NDST3: variants seen among roughly 807,000 people sequenced by gnomAD.
The protein encoded by NDST3 is bifunctional heparan sulfate N-deacetylase/N-sulfotransferase 3.
A neutral mutation model predicts 96.1 loss-of-function variants in NDST3; 58 were observed. That is an observed-to-expected ratio of 0.60 (90% CI 0.49 to 0.75). The LOEUF is 0.75. Among genes scored for constraint, NDST3 ranks in the 30% least tolerant of loss-of-function variants. The probability of loss-of-function intolerance (pLI) is 0.00; values close to 1 mark genes in which losing one functional copy is unlikely to be tolerated. For missense variants in NDST3, 788 were observed against 1,034.2 expected, an observed-to-expected ratio of 0.76 and a Z score of 3.27; for synonymous variants, 333 against 359.7, an observed-to-expected ratio of 0.93 and a Z score of 0.84.
intron 12 of NDST3, among the ~76,000 whole-genome samples, chr4:118,245,718 A>C (rs1449143083): frequency 6.6e-6 from 1 of 152,180 alleles, no homozygotes; most frequent in Non-Finnish European, 1.5e-5. Flanking sequence ...AGTCTATTCT[A>C]ATTTCTTATT....
At chr4:118,250,003 C>T (rs593966) in intron 12 of NDST3, among the ~76,000 whole-genome samples, 126,522 of 152,180 alleles carry the variant, frequency 0.83, 54,306 homozygotes, top group South Asian at 0.95. Flanking sequence ...CATAATGATT[C>T]TGAGTTTCCT....
chr4:118,089,857 C>T (rs1391766059), intron 2 of NDST3, among the ~76,000 whole-genome samples: 1 of 151,862 alleles, frequency 6.6e-6, no homozygotes, highest in African/African-American at 2.4e-5. Context: ...ACTTTGAGAA[C>T]AAGGTGAAAG....
At chr4:118,115,955 T>C (rs902433684) in intron 4 of NDST3, among the ~76,000 whole-genome samples, 1 of 152,202 alleles carries the variant, frequency 6.6e-6, no homozygotes, top group Non-Finnish European at 1.5e-5. Flanking sequence ...TTGCCACATA[T>C]TGATATTTTG....
At chr4:118,048,460 C>T (rs951993336) in intron 1 of NDST3, among the ~76,000 whole-genome samples, 1 of 152,074 alleles carries the variant, frequency 6.6e-6, no homozygotes, top group African/African-American at 2.4e-5. Context: ...AAGACCCAAC[C>T]ATTTGCTGTC....
intron 1 of NDST3, among the ~76,000 whole-genome samples, chr4:118,052,938 C>A (rs1456112655): frequency 6.6e-6 from 1 of 151,972 alleles, no homozygotes; most frequent in Non-Finnish European, 1.5e-5. Flanking sequence ...GTTTTCATTA[C>A]ATTTTTAAAA....
intron 6 of NDST3, chr4:118,194,653 G>C: frequency 1.5e-6 from 1 of 671,700 alleles, no homozygotes; most frequent in South Asian, 1.6e-5. Context: ...ATGACCTTCA[G>C]CATGCCTTCC....
chr4:118,241,223 C>T (rs1407604992), intron 11 of NDST3, among the ~76,000 whole-genome samples: 1 of 152,092 alleles, frequency 6.6e-6, no homozygotes, highest in African/African-American at 2.4e-5. Flanking sequence ...AGTATGACAG[C>T]CACTACCACA....
In NDST3 at chr4:118,255,715, C is replaced by G; in HGVS notation, c.*3C>G. The G allele has an allele frequency of 1.2e-6, 2 of 1,607,484 alleles. No individual in the cohort carries two copies. Among genetic ancestry groups the G allele is most frequent in the East Asian group, 2.2e-5 (1 of 44,698 alleles). On this transcript the variant is annotated 3_prime_UTR_variant, in exon 14 of 14. Transcript: ENST00000296499. ...AGGAGCTGCAGAAAGTAAGATAGCA[C>G]TGAGAGAAAACTTGAGACTTCATCG...
intron 10 of NDST3, 106 bp from the exon 11 acceptor site, chr4:118,240,418 A>T: frequency 1.1e-6 from 1 of 882,504 alleles, no homozygotes; most frequent in Non-Finnish European, 1.6e-6. Flanking sequence ...ACTCTCCAGC[A>T]GTGAGGCACT....
intron 4 of NDST3, among the ~76,000 whole-genome samples, chr4:118,120,367 G>A (rs1731462542): frequency 6.6e-6 from 1 of 152,108 alleles, no homozygotes; most frequent in Non-Finnish European, 1.5e-5. Context: ...AGCCTTTACT[G>A]TGGTTTCTGC....
At chr4:118,074,959 A>C (rs969592641) in intron 2 of NDST3, among the ~76,000 whole-genome samples, 11 of 152,040 alleles carry the variant, frequency 7.2e-5, no homozygotes, top group African/African-American at 2.7e-4. Context: ...CATGCAGGTT[A>C]GTTACATATC....
At chr4:118,200,123 C>A (rs1483770040) in intron 6 of NDST3, among the ~76,000 whole-genome samples, 1 of 152,224 alleles carries the variant, frequency 6.6e-6, no homozygotes, top group Admixed American at 6.5e-5. Flanking sequence ...ATGTTCTTCC[C>A]TTGAGGGTGA....
chr4:118,062,069 C>T (rs190476654), intron 2 of NDST3, among the ~76,000 whole-genome samples: 133 of 152,280 alleles, frequency 8.7e-4, no homozygotes, highest in East Asian at 3.1e-3. Flanking sequence ...GTGTAGACTA[C>T]GGTCTGTTTA....
At chr4:118,164,139 C>T (rs1560690626) in intron 6 of NDST3, among the ~76,000 whole-genome samples, 1 of 152,182 alleles carries the variant, frequency 6.6e-6, no homozygotes, top group Non-Finnish European at 1.5e-5. Flanking sequence ...GGTACATATA[C>T]ACCATGGAAT....
rs952399102 is a variant in NDST3, at chr4:118,209,323, A to T, written c.1540-15168A>T. On this transcript the variant is annotated intron_variant, in intron 6 of 13. Coordinates refer to ENST00000296499, the MANE Select transcript of NDST3 (RefSeq NM_004784.3). The stretch of plus-strand genomic sequence containing the variant: ...CATTATTCTGTCACTTTCTAACACT[A>T]AAGGAAGAAGAACAGCTGTTGTCTG... Among the ~76,000 whole-genome samples the T allele has an allele frequency of 3.8e-4, 58 of 152,184 alleles. 1 individual carries two copies. Among genetic ancestry groups the T allele is most frequent in the African/African-American group, 1.4e-3 (58 of 41,446 alleles).
chr4:118,228,059 T>C (rs1740023740), intron 8 of NDST3, among the ~76,000 whole-genome samples: 1 of 152,212 alleles, frequency 6.6e-6, no homozygotes, highest in South Asian at 2.1e-4. Context: ...ACAATCATAT[T>C]GCTTGCTAAG....
rs1178344487 is a variant in NDST3 at position 118,054,460 on chromosome 4, A to G, written c.550A>G (p.Ile184Val). The G allele has an allele frequency of 5.0e-6, 8 of 1,612,806 alleles. No individual in the cohort carries two copies. Among genetic ancestry groups the G allele is most frequent in the Non-Finnish European group, 3.4e-6 (4 of 1,179,378 alleles). Reference sequence around the variant, plus strand: ...TCAGTTAAAAGGTTTCCCTTTTTCCATATATGGAAATCTTGCAGTAAAAGA... The same window carrying G: ...TCAGTTAAAAGGTTTCCCTTTTTCCGTATATGGAAATCTTGCAGTAAAAGA... ...SFQLKGFPFS[I>V]YGNLAVKDCC... Residue 184 changes from isoleucine to valine, a missense_variant, in exon 2 of 14, where the codon ATA (isoleucine) becomes GTA (valine). By Grantham distance (29) the Ile-to-Val change is conservative (BLOSUM62 3). Around this residue, in one of 3 missense-constraint regions of NDST3, gnomAD observed 234 missense variants for 256.9 expected, o/e 0.91. Transcript: ENST00000296499.
At position 118,067,767 on chromosome 4, in the gene NDST3, G is replaced by A. The variant is rs927425894; in HGVS notation, c.981+12876G>A. 7.9e-5 allele frequency among the ~76,000 whole-genome samples: 12 copies of A among 152,142 alleles called. No individual in the cohort carries two copies. The South Asian group carries it at 1.9e-3, about 24-fold the overall frequency. Reference sequence around the variant, plus strand: ...CAATGTCAGTGTGGAGGGTGGGGGTGATGGGAGGAAGAGCATCAGGACAAA... The same window carrying A: ...CAATGTCAGTGTGGAGGGTGGGGGTAATGGGAGGAAGAGCATCAGGACAAA... On this transcript the variant is annotated intron_variant, in intron 2 of 13. Transcript: ENST00000296499.
At chr4:118,208,488 C>G (rs1738585727) in intron 6 of NDST3, among the ~76,000 whole-genome samples, 1 of 144,370 alleles carries the variant, frequency 6.9e-6, no homozygotes, top group Admixed American at 6.9e-5. Flanking sequence ...CTCATCCCTG[C>G]AAAGCCCTGG....
Sources: gnomAD v4.1 joint callset for allele counts (sites outside exome capture counted in the v4.1 genomes callset) on GRCh38, gnomAD v4.1.1 for gene constraint, gnomAD v4.1.1 regional missense constraint, MANE v1.5 for transcripts, NCBI Gene and HGNC (gene_info 2026-07-23, HGNC 2026-07-21) for gene names.